CSMD1: variants seen among roughly 807,000 people sequenced by gnomAD.
CSMD1 encodes the protein CUB and sushi domain-containing protein 1.
Under a neutral mutation model 417.5 loss-of-function variants are expected in CSMD1, and 213 were observed. The ratio of observed to expected loss-of-function variants is 0.51; its 90% CI spans 0.46 to 0.57. The LOEUF is 0.57. CSMD1 is among the 20% of genes least tolerant of loss of function. The pLI is 0.00. For missense variants in CSMD1, 6,923 were observed against 4,529.7 expected (o/e 1.53, Z -15.17); for synonymous variants, 2,862 against 1,736.8 (o/e 1.65, Z -16.11).
rs554589823 is a variant in CSMD1, at chr8:3,371,705, C to G, written c.2783-2335G>C. Among the ~76,000 whole-genome samples, 28 of 152,256 alleles carry G rather than the reference C, an allele frequency of 1.8e-4. 1 individual carries two copies. The East Asian group carries it at 3.9e-3, about 21-fold the overall frequency. On this transcript the variant is annotated intron_variant, in intron 18 of 69. Coordinates refer to ENST00000635120, the MANE Select transcript of CSMD1 (RefSeq NM_033225.6). ...TGACTAGCCTCATCGTGCTCACTAA[C>G]CATCCATCTTAAGGGAACAAATCAT...
chr8:4,201,598 C>G (rs1325049483), intron 3 of CSMD1, among the ~76,000 whole-genome samples: 1 of 129,954 alleles, frequency 7.7e-6, no homozygotes, highest in Admixed American at 7.7e-5. Context: ...TATGCAACAA[C>G]TGTAGAAGAA....
At chr8:3,694,552 G>A (rs903042828) in intron 7 of CSMD1, among the ~76,000 whole-genome samples, 14 of 151,948 alleles carry the variant, frequency 9.2e-5, no homozygotes, top group African/African-American at 3.4e-4. Flanking sequence ...CCAGGTTCAG[G>A]TTCAGTGGAA....
intron 5 of CSMD1, among the ~76,000 whole-genome samples, chr8:3,828,246 G>T (rs1563121170): frequency 6.6e-6 from 1 of 152,074 alleles, no homozygotes; most frequent in Non-Finnish European, 1.5e-5. Flanking sequence ...AAAAATAAAT[G>T]ACAACGTTAT....
At chr8:4,655,073 T>C (rs17070990) in intron 1 of CSMD1, among the ~76,000 whole-genome samples, 5,075 of 152,148 alleles carry the variant, frequency 0.033, 130 homozygotes, top group East Asian at 0.12. Context: ...AAATCATTTG[T>C]CCATCAAAGG....
intron 21 of CSMD1, among the ~76,000 whole-genome samples, chr8:3,354,783 T>C (rs565166016): frequency 1.6e-5 from 2 of 121,344 alleles, no homozygotes; most frequent in Non-Finnish European, 3.4e-5. Flanking sequence ...TTTAGTGATA[T>C]ATATATATCA....
chr8:3,016,479 G>A (rs558795964), intron 52 of CSMD1, among the ~76,000 whole-genome samples: 1 of 152,248 alleles, frequency 6.6e-6, no homozygotes, highest in Non-Finnish European at 1.5e-5. Flanking sequence ...AAAGGAATAT[G>A]CTTCATTACC....
chr8:2,936,290 T>TA lies in CSMD1; in HGVS notation c.*2294dup, dbSNP rs1001843986. 8.6e-5 allele frequency: 13 copies of TA among 151,944 alleles called. No homozygotes were observed. The highest frequency in any genetic ancestry group is 3.1e-4 in the African/African-American group (13 of 41,362). 9.4% of individuals were successfully genotyped at this position (151,944 alleles called of 1,614,324 possible). On this transcript the variant is annotated 3_prime_UTR_variant, in exon 70 of 70. Coordinates refer to ENST00000635120, the MANE Select transcript of CSMD1 (RefSeq NM_033225.6). ...CGTTGACCAGGGAGCAGGTCAGGGATATGGGAACAGAGATGTTAATTCAGA... is the reference window on the plus strand; with the variant it reads ...CGTTGACCAGGGAGCAGGTCAGGGATAATGGGAACAGAGATGTTAATTCAGA...
At chr8:3,436,655 G>T (rs1269379510) in intron 12 of CSMD1, among the ~76,000 whole-genome samples, 4 of 152,062 alleles carry the variant, frequency 2.6e-5, no homozygotes. Flanking sequence ...TTCAAAACAA[G>T]AAAAGTGTGA....
chr8:4,379,905 G>A (rs1361394538), intron 3 of CSMD1, among the ~76,000 whole-genome samples: 2 of 152,196 alleles, frequency 1.3e-5, no homozygotes, highest in Admixed American at 1.3e-4. Context: ...TCCACACACT[G>A]GACGTGAACT....
chr8:3,771,639 C>A (rs971185596), intron 5 of CSMD1, among the ~76,000 whole-genome samples: 1 of 152,088 alleles, frequency 6.6e-6, no homozygotes, highest in Non-Finnish European at 1.5e-5. Flanking sequence ...GAAGCCAGTG[C>A]TGAATCACCC....
intron 4 of CSMD1, among the ~76,000 whole-genome samples, chr8:4,024,489 A>C (rs767294364): frequency 3.9e-5 from 6 of 152,182 alleles, no homozygotes; most frequent in Non-Finnish European, 7.3e-5. Context: ...GACCACCCAA[A>C]CTATAGCTGA....
intron 1 of CSMD1, among the ~76,000 whole-genome samples, chr8:4,958,262 G>T (rs968280953): frequency 1.3e-5 from 2 of 152,018 alleles, no homozygotes; most frequent in African/African-American, 2.4e-5. Flanking sequence ...AGAAAAACAG[G>T]TTCAATGAAA....
chr8:4,140,001 A>G (rs1434877382), intron 3 of CSMD1, among the ~76,000 whole-genome samples: 1 of 150,822 alleles, frequency 6.6e-6, no homozygotes, highest in African/African-American at 2.5e-5. Context: ...GTAGGAGGTA[A>G]ATAGTTCTCC....
At chr8:3,553,004 G>C (rs1010858739) in intron 10 of CSMD1, among the ~76,000 whole-genome samples, 5 of 151,894 alleles carry the variant, frequency 3.3e-5, no homozygotes, top group African/African-American at 4.8e-5. Flanking sequence ...GTCACGTACT[G>C]TCTGTCAATT....
At chr8:4,224,633 C>G (rs1436388566) in intron 3 of CSMD1, among the ~76,000 whole-genome samples, 1 of 152,194 alleles carries the variant, frequency 6.6e-6, no homozygotes, top group African/African-American at 2.4e-5. Flanking sequence ...GAATTTTCAT[C>G]CATAGTGAAG....
intron 3 of CSMD1, among the ~76,000 whole-genome samples, chr8:4,238,944 GT>G (rs1249400135): frequency 6.6e-6 from 1 of 152,160 alleles, no homozygotes; most frequent in Non-Finnish European, 1.5e-5. Flanking sequence ...TTTCTACCCT[GT>G]TCTTCTGTAG....
At chr8:4,510,302 G>A (rs1384839539) in intron 2 of CSMD1, among the ~76,000 whole-genome samples, 3 of 140,676 alleles carry the variant, frequency 2.1e-5, no homozygotes, top group African/African-American at 7.9e-5. Flanking sequence ...CATGAGAACA[G>A]ACTGTTACAC....
chr8:3,858,699 C>T (rs1042849743), intron 5 of CSMD1, among the ~76,000 whole-genome samples: 1 of 151,868 alleles, frequency 6.6e-6, no homozygotes, highest in African/African-American at 2.4e-5. Context: ...TCGTAATACC[C>T]CAAATAAAAT....
chr8:4,903,226 C>A (rs1465770104), intron 1 of CSMD1, among the ~76,000 whole-genome samples: 1 of 152,110 alleles, frequency 6.6e-6, no homozygotes. Flanking sequence ...TCTGACCAAC[C>A]CTGCACTTAC....
Sources: gnomAD v4.1 joint callset for allele counts (sites outside exome capture counted in the v4.1 genomes callset) on GRCh38, gnomAD v4.1.1 for gene constraint, MANE v1.5 for transcripts, NCBI Gene and HGNC (gene_info 2026-07-23, HGNC 2026-07-21) for gene names.